GNA12: variants seen among roughly 807,000 people sequenced by gnomAD.
GNA12 encodes G protein subunit alpha 12, also known as guanine nucleotide-binding protein subunit alpha-12.
GNA12 carries 9 observed loss-of-function variants against 26.0 expected under a neutral mutation model. That is an observed-to-expected ratio of 0.35 (90% CI 0.21 to 0.60). The LOEUF (loss-of-function observed/expected upper bound fraction) is 0.60, where lower values mean the gene tolerates loss of function less well. Among genes scored for constraint, GNA12 ranks in the 20% least tolerant of loss-of-function variants. GNA12 has a pLI of 0.78. For synonymous variants in GNA12, 264 were observed against 219.6 expected, an observed-to-expected ratio of 1.20 and a Z score of -1.79; for missense variants, 405 against 525.8, an observed-to-expected ratio of 0.77 and a Z score of 2.25.
intron 2 of GNA12, among the ~76,000 whole-genome samples, chr7:2,783,308 G>C (rs866831254): frequency 6.6e-6 from 1 of 152,196 alleles, no homozygotes; most frequent in African/African-American, 2.4e-5. Flanking sequence ...CCATCGCACA[G>C]GGGTTGCCTG....
At position 2,815,008 on chromosome 7, in the gene GNA12, C is replaced by T. The variant is rs1233596926; in HGVS notation, c.310-19865G>A. On this transcript the variant is annotated intron_variant, in intron 1 of 3. Coordinates refer to ENST00000275364, the MANE Select transcript of GNA12 (RefSeq NM_007353.3). ...ACGTCACTGTATCCAGGTCTAATCT[C>T]GCCCCTTCCACCCAATCCAGTCCCC... 10 of 1,534,184 alleles carry T rather than the reference C, an allele frequency of 6.5e-6. No individual in the cohort carries two copies. In the African/African-American group the frequency reaches 8.2e-5, roughly 13 times the overall value.
At chr7:2,784,911 G>C (rs2115441289) in intron 2 of GNA12, among the ~76,000 whole-genome samples, 1 of 152,234 alleles carries the variant, frequency 6.6e-6, no homozygotes, top group South Asian at 2.1e-4. Flanking sequence ...TTCTGGTCTT[G>C]CTGTCACATA....
chr7:2,751,499 A>T (rs367735092), intron 2 of GNA12, among the ~76,000 whole-genome samples: 3 of 152,308 alleles, frequency 2.0e-5, no homozygotes, highest in East Asian at 3.9e-4. Context: ...TTTAAACTCA[A>T]GGTAAGCAGG....
Position 2,844,267 on chromosome 7 carries a change from G to T in GNA12, c.-106C>A, listed in dbSNP as rs1463000059. 2.1e-6 allele frequency: 1 copy of T among 473,236 alleles called. No individual in the cohort carries two copies. Among genetic ancestry groups the T allele is most frequent in the Non-Finnish European group, 2.8e-6 (1 of 363,570 alleles). 29.3% of individuals were successfully genotyped at this position (473,236 alleles called of 1,614,324 possible). A position where few individuals can be genotyped will look rare whatever the true frequency, so the allele number is the denominator to read the frequency against. ...GGCACCGCCCCACGCCCCGCCGCTC[G>T]CCTCAGGCCGCGTCCGCCGCCGCCG... On this transcript the variant is annotated 5_prime_UTR_variant, in exon 1 of 4. Transcript: ENST00000275364.
At chr7:2,769,811 T>G (rs1192047567) in intron 2 of GNA12, among the ~76,000 whole-genome samples, 1 of 152,170 alleles carries the variant, frequency 6.6e-6, no homozygotes, top group Non-Finnish European at 1.5e-5. Flanking sequence ...CCAATTTATA[T>G]CCTAATGAAC....
chr7:2,828,065 G>C (rs993032989), intron 1 of GNA12, among the ~76,000 whole-genome samples: 1 of 152,056 alleles, frequency 6.6e-6, no homozygotes, highest in South Asian at 2.1e-4. Context: ...AACAAGACAA[G>C]TTTCCAATTA....
chr7:2,786,131 C>T (rs1015794685), intron 2 of GNA12, among the ~76,000 whole-genome samples: 1 of 152,138 alleles, frequency 6.6e-6, no homozygotes, highest in African/African-American at 2.4e-5. Context: ...TTCTGTATTT[C>T]GACTGTGGTG....
At chr7:2,797,046 C>A (rs530374572) in intron 1 of GNA12, among the ~76,000 whole-genome samples, 1 of 152,220 alleles carries the variant, frequency 6.6e-6, no homozygotes, top group East Asian at 1.9e-4. Flanking sequence ...CTGGAAAAGC[C>A]TTCTCATCTC....
At chr7:2,802,008 T>C (rs1416649683) in intron 1 of GNA12, among the ~76,000 whole-genome samples, 1 of 152,162 alleles carries the variant, frequency 6.6e-6, no homozygotes, top group Non-Finnish European at 1.5e-5. Flanking sequence ...ATAGGAGGCA[T>C]ATTATAATAA....
intron 2 of GNA12, among the ~76,000 whole-genome samples, chr7:2,763,554 G>A (rs561458746): frequency 6.6e-6 from 1 of 152,298 alleles, no homozygotes; most frequent in African/African-American, 2.4e-5. Flanking sequence ...AATTCTCAAT[G>A]GTCCTGTAAT....
At chr7:2,757,292 GC>G (rs1161048135) in intron 2 of GNA12, among the ~76,000 whole-genome samples, 12 of 151,652 alleles carry the variant, frequency 7.9e-5, no homozygotes, top group African/African-American at 2.9e-4. Flanking sequence ...CCGCCACCAT[GC>G]CCGGCTAATT....
chr7:2,761,034 C>T (rs550993959), intron 2 of GNA12, among the ~76,000 whole-genome samples: 14 of 152,288 alleles, frequency 9.2e-5, no homozygotes, highest in African/African-American at 3.1e-4. Context: ...TTGTTTTAGA[C>T]CCAAAACAAT....
At chr7:2,832,728 C>T (rs910592502) in intron 1 of GNA12, among the ~76,000 whole-genome samples, 9 of 152,138 alleles carry the variant, frequency 5.9e-5, no homozygotes, top group Admixed American at 2.6e-4. Flanking sequence ...TAGATGCTGA[C>T]GTTCACAGAG....
chr7:2,739,574 T>C (rs1412068070), intron 2 of GNA12, among the ~76,000 whole-genome samples: 7 of 152,256 alleles, frequency 4.6e-5, no homozygotes, highest in African/African-American at 9.6e-5. Context: ...TTTTTGGCCG[T>C]TGTGAACAGT....
chr7:2,768,346 C>T lies in GNA12; in HGVS notation c.525+26582G>A, dbSNP rs543522684. Among the ~76,000 whole-genome samples the T allele has an allele frequency of 3.4e-4, 52 of 152,324 alleles. 1 individual carries two copies. In the Middle Eastern group the frequency reaches 0.034, roughly 100 times the overall value. On this transcript the variant is annotated intron_variant, in intron 2 of 3. Transcript: ENST00000275364. The stretch of plus-strand genomic sequence containing the variant: ...AACCTGGATCTCTCAGCTTCAAAGT[C>T]ATGTCACTTCATCCAGTGAAGATCA...
intron 2 of GNA12, among the ~76,000 whole-genome samples, chr7:2,756,655 T>C (rs1303193026): frequency 6.6e-6 from 1 of 152,144 alleles, no homozygotes; most frequent in Admixed American, 6.5e-5. Flanking sequence ...CTGTGTGATC[T>C]TGGGTTAGGA....
At chr7:2,795,744 C>T (rs1021684518) in intron 1 of GNA12, among the ~76,000 whole-genome samples, 2 of 151,642 alleles carry the variant, frequency 1.3e-5, no homozygotes, top group Non-Finnish European at 2.9e-5. Context: ...AAAAAGACAA[C>T]TGGGCGGGGA....
Position 2,819,976 on chromosome 7 carries a change from A to G in GNA12, c.309+23877T>C, listed in dbSNP as rs143136445. On this transcript the variant is annotated intron_variant, in intron 1 of 3. Transcript: ENST00000275364. ...CACACAAAAGATGGAAAGAACCTAG[A>G]TGCCACTGACTGAGGCACGGATAAA... is the stretch of plus-strand genomic sequence containing the variant. Among the ~76,000 whole-genome samples, 4 of 152,328 alleles carry G rather than the reference A, an allele frequency of 2.6e-5. No homozygotes were observed. In the South Asian group the frequency reaches 6.2e-4, roughly 24 times the overall value.
intron 1 of GNA12, 26 bp downstream of exon 1, chr7:2,843,827 G>A: frequency 7.3e-7 from 1 of 1,370,112 alleles, no homozygotes. Context: ...CCTGGGTGCA[G>A]GTGCTGGGCG....
Sources: allele counts gnomAD v4.1 joint callset (sites outside exome capture counted in the v4.1 genomes callset), GRCh38; gene constraint gnomAD v4.1.1; transcripts MANE v1.5; gene names NCBI Gene and HGNC (gene_info 2026-07-23, HGNC 2026-07-21).